The following BID variants were observed in gnomAD, a reference collection of about 807,000 sequenced individuals.
BID encodes BH3 interacting domain death agonist, also known as BH3-interacting domain death agonist.
Under a neutral mutation model 17.4 loss-of-function variants are expected in BID, and 19 were observed. The observed-to-expected ratio is 1.09, with a 90% CI of 0.76 to 1.60. The LOEUF (loss-of-function observed/expected upper bound fraction) is 1.60, where lower values mean the gene tolerates loss of function less well. BID is among the 40% of genes most tolerant of loss of function. BID has a pLI of 0.00. For missense variants in BID, 226 were observed against 256.0 expected, an observed-to-expected ratio of 0.88 and a Z score of 0.80; for synonymous variants, 108 against 102.8, an observed-to-expected ratio of 1.05 and a Z score of -0.31.
At chr22:17,743,317 T>C (rs1295655122) in intron 3 of BID, among the ~76,000 whole-genome samples, 2 of 152,194 alleles carry the variant, frequency 1.3e-5, no homozygotes, top group Non-Finnish European at 1.5e-5. Context: ...CCTGGGGGCT[T>C]TGCCCAGACC....
Position 17,765,354 on chromosome 22 carries a change from C to T in BID, c.-59+9027G>A, listed in dbSNP as rs74843984. ...AAGGTCATGACTGCAGGCCAAGATA[C>T]GGCCTCTTTTTAGAGCTGAAAAAAA... On this transcript the variant is annotated intron_variant, in intron 1 of 5. Transcript: ENST00000622694. 6.1e-3 allele frequency among the ~76,000 whole-genome samples: 931 copies of T among 152,228 alleles called. 9 individuals are homozygous for T. Among genetic ancestry groups the T allele is most frequent in the African/African-American group, 0.021 (888 of 41,526 alleles).
chr22:17,758,157 C>T (rs1319020068), intron 1 of BID, among the ~76,000 whole-genome samples: 3 of 152,210 alleles, frequency 2.0e-5, no homozygotes, highest in Admixed American at 6.5e-5. Flanking sequence ...TTATTCAGGT[C>T]CCTCAAAGAG....
chr22:17,760,367 G>C (rs1409869511), intron 1 of BID, among the ~76,000 whole-genome samples: 1 of 144,564 alleles, frequency 6.9e-6, no homozygotes, highest in African/African-American at 2.6e-5. Context: ...CAGAAGAATC[G>C]CTTGAACCCA....
intron 1 of BID, among the ~76,000 whole-genome samples, chr22:17,765,189 A>T (rs1251467760): frequency 1.5e-5 from 2 of 135,986 alleles, no homozygotes; most frequent in African/African-American, 5.2e-5. Context: ...AGGACCCAAG[A>T]CATCCTCCAC....
chr22:17,758,545 C>CT (rs2061610921), intron 1 of BID, among the ~76,000 whole-genome samples: 1 of 152,230 alleles, frequency 6.6e-6, no homozygotes, highest in Admixed American at 6.5e-5. Flanking sequence ...GTCCAGATGT[C>CT]TAACAGATGA....
chr22:17,742,022 G>A (rs993307606), intron 3 of BID, among the ~76,000 whole-genome samples: 1 of 152,172 alleles, frequency 6.6e-6, no homozygotes, highest in African/African-American at 2.4e-5. Context: ...TTACGGACAC[G>A]TCCTCTCTCC....
chr22:17,738,641 C>G (rs2145873036), intron 4 of BID, among the ~76,000 whole-genome samples: 1 of 152,232 alleles, frequency 6.6e-6, no homozygotes, highest in East Asian at 1.9e-4. Context: ...CTGGCAAGGA[C>G]CGTCAGGCGG....
chr22:17,740,015 C>G, intron 3 of BID: 1 of 1,509,606 alleles, frequency 6.6e-7, no homozygotes. Flanking sequence ...CCAACCAGAG[C>G]TCTCCCCCTT....
At position 17,773,638 on chromosome 22, in the gene BID, C is replaced by T. The variant is rs765331859; in HGVS notation, c.-59+743G>A. The T allele has an allele frequency of 6.2e-7, 1 of 1,612,110 alleles. No individual in the cohort carries two copies. The highest frequency in any genetic ancestry group is 8.5e-7 in the Non-Finnish European group (1 of 1,179,982). Reference sequence around the variant, plus strand: ...ATCCGCACTGTGCTCCTCCAGCCGGCCCGGCCCCTCGCTGCCCACCGAGCC... The same window carrying T: ...ATCCGCACTGTGCTCCTCCAGCCGGTCCGGCCCCTCGCTGCCCACCGAGCC... On this transcript the variant is annotated intron_variant, in intron 1 of 5. Coordinates refer to ENST00000622694, the MANE Select transcript of BID (RefSeq NM_001196.4). This position sits in a 1 kb window ranked among gnomAD's most constrained non-coding sequence, Gnocchi z 4.4.
At chr22:17,768,337 G>A (rs1415380837) in intron 1 of BID, among the ~76,000 whole-genome samples, 1 of 152,220 alleles carries the variant, frequency 6.6e-6, no homozygotes, top group Non-Finnish European at 1.5e-5. Context: ...TCAGGTGACT[G>A]GGGCCCCCTC....
intron 3 of BID, chr22:17,740,817 G>A (rs1243921404): frequency 1.3e-5 from 2 of 152,620 alleles, no homozygotes; most frequent in Admixed American, 6.5e-5. Flanking sequence ...ACTCCTTGAG[G>A]CCAGGAATTC....
chr22:17,750,002 G>A (rs8190289), intron 2 of BID, 103 bp downstream of exon 2: 42,954 of 1,165,436 alleles, frequency 0.037, 1,488 homozygotes, highest in African/African-American at 0.16. Context: ...AGGGCCAGGC[G>A]GGCTCAGCCT....
At chr22:17,739,257 C>T (rs1029716108) in intron 4 of BID, 92 bp downstream of exon 4, 28 of 1,426,538 alleles carry the variant, frequency 2.0e-5, no homozygotes, top group Middle Eastern at 2.6e-4. Context: ...AGTTGAGTGG[C>T]CTCACGGGAC....
chr22:17,771,186 A>G (rs1601886528), intron 1 of BID, among the ~76,000 whole-genome samples: 1 of 151,228 alleles, frequency 6.6e-6, no homozygotes, highest in African/African-American at 2.4e-5. Flanking sequence ...TGCAAGCTCC[A>G]CCTCCCGGGT....
chr22:17,751,735 G>C (rs2061541530), intron 1 of BID, among the ~76,000 whole-genome samples: 1 of 152,186 alleles, frequency 6.6e-6, no homozygotes, highest in Admixed American at 6.5e-5. Flanking sequence ...TCTCCCTCTG[G>C]GGAGCCCAGG....
chr22:17,752,841 A>G (rs2061550106), intron 1 of BID, among the ~76,000 whole-genome samples: 1 of 149,640 alleles, frequency 6.7e-6, no homozygotes, highest in Non-Finnish European at 1.5e-5. Flanking sequence ...AACTTTTTGT[A>G]TTTTTCGTAC....
Position 17,739,357 on chromosome 22 carries a change from A to G in BID, c.355T>C (p.Ser119Pro). The G allele has an allele frequency of 6.3e-7, 1 of 1,594,002 alleles. No individual in the cohort carries two copies. Among genetic ancestry groups the G allele is most frequent in the Non-Finnish European group, 8.5e-7 (1 of 1,172,612 alleles). ...LALQLRNTSR[S>P]EEDRNRDLAT... ...CTCAGGCCCTCACTCACCTCCTCCGACCGGCTGGTGTTCCTGAGCTGCAGG... is the reference window on the plus strand; with the variant it reads ...CTCAGGCCCTCACTCACCTCCTCCGGCCGGCTGGTGTTCCTGAGCTGCAGG... The change falls in exon 4 of 6, where the codon TCG becomes CCG. Residue 119 changes from serine to proline, a missense_variant. By Grantham distance (74) the Ser-to-Pro change is moderately conservative (BLOSUM62 -1). Transcript: ENST00000622694.
At chr22:17,745,556 G>A (rs1427944587) in intron 2 of BID, among the ~76,000 whole-genome samples, 1 of 152,012 alleles carries the variant, frequency 6.6e-6, no homozygotes, top group African/African-American at 2.4e-5. Context: ...AGACTGAGGC[G>A]GGAAGGTCAC....
chr22:17,734,275 TAG>T lies in BID; in HGVS notation c.*1303_*1304del, dbSNP rs1491296556. 1 of 152,088 alleles carries T rather than the reference TAG, an allele frequency of 6.6e-6. No individual in the cohort carries two copies. Among genetic ancestry groups the T allele is most frequent in the Non-Finnish European group, 1.5e-5 (1 of 67,982 alleles). 9.4% of individuals were successfully genotyped at this position (152,088 alleles called of 1,614,324 possible). On this transcript the variant is annotated 3_prime_UTR_variant, in exon 6 of 6. Coordinates refer to ENST00000622694, the MANE Select transcript of BID (RefSeq NM_001196.4). ...GGTATGTATTGCATGCTGAACAATA[TAG>T]AGTTTGTTTTTCCTTTCTGATGATT...
Sources: gnomAD v4.1 joint callset for allele counts (sites outside exome capture counted in the v4.1 genomes callset) on GRCh38, gnomAD v4.1.1 for gene constraint, Gnocchi (gnomAD v3.1) non-coding constraint, MANE v1.5 for transcripts, NCBI Gene and HGNC (gene_info 2026-07-23, HGNC 2026-07-21) for gene names.